Variants in CACNB2 observed in about 807,000 individuals in gnomAD.
CACNB2 encodes voltage-dependent L-type calcium channel subunit beta-2.
In CACNB2, 42 loss-of-function variants were observed where a neutral mutation model predicts 73.3. The observed-to-expected ratio is 0.57, with a 90% confidence interval of 0.45 to 0.74. CACNB2 has a LOEUF of 0.74. Among genes scored for constraint, CACNB2 ranks in the 30% least tolerant of loss-of-function variants. The probability of loss-of-function intolerance (pLI) is 0.00; values close to 1 mark genes in which losing one functional copy is unlikely to be tolerated. For synonymous variants in CACNB2, 348 were observed against 310.3 expected, an observed-to-expected ratio of 1.12 and a Z score of -1.28; for missense variants, 940 against 853.0, an observed-to-expected ratio of 1.10 and a Z score of -1.27.
At chr10:18,387,931 A>T (rs1383612190) in intron 2 of CACNB2, among the ~76,000 whole-genome samples, 1 of 151,936 alleles carries the variant, frequency 6.6e-6, no homozygotes, top group Non-Finnish European at 1.5e-5. Flanking sequence ...TCGTTTTAAA[A>T]TTTTTTGTAC....
intron 9 of CACNB2, among the ~76,000 whole-genome samples, chr10:18,521,788 G>A (rs1379153206): frequency 6.6e-6 from 1 of 152,194 alleles, no homozygotes; most frequent in Non-Finnish European, 1.5e-5. Context: ...AAGATACAGG[G>A]CTAGTGTATA....
intron 2 of CACNB2, among the ~76,000 whole-genome samples, chr10:18,196,408 C>G (rs1172856187): frequency 6.6e-6 from 1 of 151,830 alleles, no homozygotes; most frequent in African/African-American, 2.4e-5. Context: ...CCTCCACCTC[C>G]TGGACTCAAG....
chr10:18,326,852 G>A (rs774139169), intron 2 of CACNB2, among the ~76,000 whole-genome samples: 10 of 152,020 alleles, frequency 6.6e-5, no homozygotes, highest in East Asian at 3.9e-4. Flanking sequence ...TCAGCCCTCC[G>A]AGTAGCTGGG....
intron 2 of CACNB2, among the ~76,000 whole-genome samples, chr10:18,308,028 C>T (rs1413962294): frequency 3.5e-5 from 3 of 85,402 alleles, no homozygotes; most frequent in East Asian, 2.3e-4. Context: ...AGTCTTGCTC[C>T]GTCACCCTGG....
At chr10:18,520,348 G>A (rs964995698) in intron 9 of CACNB2, among the ~76,000 whole-genome samples, 5 of 152,112 alleles carry the variant, frequency 3.3e-5, no homozygotes, top group Admixed American at 6.5e-5. Flanking sequence ...ACATGCAAAT[G>A]CTGTTGTCTT....
At chr10:18,313,890 A>C (rs1476692067) in intron 2 of CACNB2, among the ~76,000 whole-genome samples, 1 of 152,244 alleles carries the variant, frequency 6.6e-6, no homozygotes, top group Non-Finnish European at 1.5e-5. Context: ...TTACTACAAA[A>C]ATAATGGCCT....
chr10:18,371,040 A>G (rs2132290661), intron 2 of CACNB2, among the ~76,000 whole-genome samples: 1 of 152,308 alleles, frequency 6.6e-6, no homozygotes, highest in South Asian at 2.1e-4. Context: ...GTATTCATAC[A>G]CTGCTTTTCA....
intron 3 of CACNB2, among the ~76,000 whole-genome samples, chr10:18,480,975 C>T (rs11592092): frequency 0.14 from 20,427 of 151,210 alleles, 1,567 homozygotes; most frequent in Admixed American, 0.18. Flanking sequence ...ACCCCTCTTA[C>T]GTACCCCTTG....
At chr10:18,409,508 C>T (rs752253917) in intron 3 of CACNB2, among the ~76,000 whole-genome samples, 15 of 152,166 alleles carry the variant, frequency 9.9e-5, no homozygotes, top group Non-Finnish European at 1.8e-4. Flanking sequence ...CTTATCTTGA[C>T]TAAAAGAAAG....
At chr10:18,249,006 C>A (rs1008209632) in intron 2 of CACNB2, among the ~76,000 whole-genome samples, 1 of 152,196 alleles carries the variant, frequency 6.6e-6, no homozygotes, top group Non-Finnish European at 1.5e-5. Flanking sequence ...CCTGTTGATT[C>A]TGTTTTCCTG....
chr10:18,322,518 T>G (rs1172802933), intron 2 of CACNB2, among the ~76,000 whole-genome samples: 1 of 152,214 alleles, frequency 6.6e-6, no homozygotes, highest in Non-Finnish European at 1.5e-5. Context: ...AAAATTACCC[T>G]GAATGAGATG....
chr10:18,487,906 A>G (rs1408195110), intron 3 of CACNB2, among the ~76,000 whole-genome samples: 1 of 151,666 alleles, frequency 6.6e-6, no homozygotes, highest in African/African-American at 2.4e-5. Context: ...CACACCAAGG[A>G]CCCTGCACAG....
chr10:18,175,010 A>G (rs1413501514), intron 2 of CACNB2, among the ~76,000 whole-genome samples: 3 of 152,168 alleles, frequency 2.0e-5, no homozygotes, highest in Non-Finnish European at 4.4e-5. Flanking sequence ...ATAAAATAAC[A>G]CTTAAATCTG....
At chr10:18,190,461 G>A (rs990799921) in intron 2 of CACNB2, among the ~76,000 whole-genome samples, 5 of 152,136 alleles carry the variant, frequency 3.3e-5, no homozygotes, top group Non-Finnish European at 5.9e-5. Context: ...CATGGGAGAC[G>A]TCCTGGAAGA....
intron 2 of CACNB2, among the ~76,000 whole-genome samples, chr10:18,340,399 A>C (rs948178323): frequency 2.0e-5 from 3 of 152,196 alleles, no homozygotes; most frequent in African/African-American, 7.2e-5. Context: ...AAGAGAAAAT[A>C]TTTCTTCAGT....
intron 2 of CACNB2, among the ~76,000 whole-genome samples, chr10:18,336,184 A>T (rs1001248600): frequency 6.6e-6 from 1 of 152,246 alleles, no homozygotes; most frequent in Non-Finnish European, 1.5e-5. Flanking sequence ...TTAATTCATT[A>T]AAGGAGCCAG....
chr10:18,374,732 TCA>T (rs1292379768), intron 2 of CACNB2, among the ~76,000 whole-genome samples: 1 of 152,274 alleles, frequency 6.6e-6, no homozygotes, highest in African/African-American at 2.4e-5. Context: ...AACAGCAGAA[TCA>T]CAATGTAGCA....
chr10:18,479,076 C>T (rs1319535883), intron 3 of CACNB2, among the ~76,000 whole-genome samples: 1 of 152,048 alleles, frequency 6.6e-6, no homozygotes, highest in Non-Finnish European at 1.5e-5. Flanking sequence ...AAAAAGAAGA[C>T]ACCTCTTCAA....
At chr10:18,391,604 A>G (rs2043470702) in intron 2 of CACNB2, among the ~76,000 whole-genome samples, 1 of 152,140 alleles carries the variant, frequency 6.6e-6, no homozygotes, top group African/African-American at 2.4e-5. Context: ...ACTAAACAAT[A>G]TCGTAAGTAA....
Sources: allele counts gnomAD v4.1 joint callset (sites outside exome capture counted in the v4.1 genomes callset), GRCh38; gene constraint gnomAD v4.1.1; transcripts MANE v1.5; gene names NCBI Gene and HGNC (gene_info 2026-07-23, HGNC 2026-07-21).